CNTNAP2: variants seen among roughly 807,000 people sequenced by gnomAD.
The protein encoded by CNTNAP2 is contactin associated protein 2.
Under a neutral mutation model 155.2 loss-of-function variants are expected in CNTNAP2, and 98 were observed. The ratio of observed to expected loss-of-function variants is 0.63; its 90% CI spans 0.54 to 0.75. The LOEUF (loss-of-function observed/expected upper bound fraction) is 0.75. Ranked by LOEUF, CNTNAP2 falls within the 30% of genes least tolerant of loss-of-function variation. The pLI, the probability that CNTNAP2 is intolerant of heterozygous loss-of-function variation, is 0.00. For synonymous variants in CNTNAP2, 651 were observed against 631.2 expected (o/e 1.03, Z -0.47); for missense variants, 1,727 against 1,688.1 (o/e 1.02, Z -0.40).
chr7:146,630,597 C>T (rs547061383), intron 1 of CNTNAP2, among the ~76,000 whole-genome samples: 2 of 152,088 alleles, frequency 1.3e-5, no homozygotes, highest in Non-Finnish European at 2.9e-5. Context: ...CCCCCACTAA[C>T]ATGGTAAAAG....
In CNTNAP2 at chr7:146,580,057, C is replaced by G. The variant is rs188206385; in HGVS notation, c.98-194214C>G. Reference sequence around the variant, plus strand: ...CACCTAACCAATTATATTTCCTATGCTTAAGGCATGTATTTTCAGTAAGCA... The same window carrying G: ...CACCTAACCAATTATATTTCCTATGGTTAAGGCATGTATTTTCAGTAAGCA... On this transcript the variant is annotated intron_variant, in intron 1 of 23. Coordinates refer to ENST00000361727, the MANE Select transcript of CNTNAP2 (RefSeq NM_014141.6). Among the ~76,000 whole-genome samples the G allele has an allele frequency of 2.5e-3, 373 of 152,176 alleles. 3 individuals carry two copies. The highest frequency in any genetic ancestry group is 9.3e-3 in the Admixed American group (142 of 15,258).
At chr7:148,218,463 C>T (rs899370798) in intron 19 of CNTNAP2, among the ~76,000 whole-genome samples, 1 of 152,164 alleles carries the variant, frequency 6.6e-6, no homozygotes, top group Admixed American at 6.5e-5. Context: ...AGGATCACAG[C>T]TCACTTCAGC....
At chr7:147,250,465 T>G (rs1009999728) in intron 8 of CNTNAP2, among the ~76,000 whole-genome samples, 1 of 152,154 alleles carries the variant, frequency 6.6e-6, no homozygotes, top group Non-Finnish European at 1.5e-5. Flanking sequence ...AAATTCCCTC[T>G]GAAATCCTTC....
chr7:147,185,158 A>T (rs1374773179), intron 8 of CNTNAP2, among the ~76,000 whole-genome samples: 1 of 152,276 alleles, frequency 6.6e-6, no homozygotes, highest in East Asian at 1.9e-4. Context: ...TAAAAAGTAA[A>T]AAAGAGCAAC....
At chr7:147,528,777 T>C (rs1195965747) in intron 11 of CNTNAP2, among the ~76,000 whole-genome samples, 3 of 152,232 alleles carry the variant, frequency 2.0e-5, no homozygotes, top group Non-Finnish European at 4.4e-5. Context: ...GAGTTGATTC[T>C]ATATGTAAAT....
intron 1 of CNTNAP2, among the ~76,000 whole-genome samples, chr7:146,142,741 G>A (rs1185281183): frequency 6.6e-6 from 1 of 152,032 alleles, no homozygotes; most frequent in Non-Finnish European, 1.5e-5. Flanking sequence ...ACATCTTTTG[G>A]TTTATGGTAA....
chr7:147,266,555 T>A (rs1804615844), intron 8 of CNTNAP2, among the ~76,000 whole-genome samples: 1 of 152,180 alleles, frequency 6.6e-6, no homozygotes, highest in Non-Finnish European at 1.5e-5. Flanking sequence ...AAAGTCATGA[T>A]AAGGTATTTC....
chr7:147,025,617 G>C (rs547009107), intron 3 of CNTNAP2, among the ~76,000 whole-genome samples: 14 of 151,900 alleles, frequency 9.2e-5, no homozygotes, highest in African/African-American at 2.7e-4. Context: ...TTCCATATGA[G>C]ATTTGGGCAG....
intron 2 of CNTNAP2, among the ~76,000 whole-genome samples, chr7:146,836,814 C>A (rs1250920219): frequency 6.6e-6 from 1 of 152,040 alleles, no homozygotes; most frequent in Non-Finnish European, 1.5e-5. Flanking sequence ...GTGATGAATT[C>A]TCCCAGCTTT....
intron 13 of CNTNAP2, among the ~76,000 whole-genome samples, chr7:147,794,964 A>T: frequency 6.7e-6 from 1 of 148,966 alleles, no homozygotes; most frequent in Non-Finnish European, 1.5e-5. Context: ...TAGTAGTTTG[A>T]GTCTTTTCCA....
chr7:147,393,194 T>G (rs1796752825), intron 9 of CNTNAP2, among the ~76,000 whole-genome samples: 1 of 152,054 alleles, frequency 6.6e-6, no homozygotes, highest in East Asian at 1.9e-4. Context: ...AGAAAAAAAT[T>G]AATGAATATG....
In CNTNAP2 at chr7:146,191,202, C is replaced by A. The variant is rs115371580; in HGVS notation, c.97+74229C>A. Among the ~76,000 whole-genome samples, 1,514 of 151,986 alleles carry A rather than the reference C, an allele frequency of 1.0e-2. 28 individuals carry two copies. The highest frequency in any genetic ancestry group is 0.035 in the African/African-American group (1,446 of 41,456). ...GTCTGAGTAATAAAGGGAAAGAGTA[C>A]AAAACAGACAAATTTTAAAGCTGGG... is the stretch of plus-strand genomic sequence containing the variant. On this transcript the variant is annotated intron_variant, in intron 1 of 23. Transcript: ENST00000361727.
intron 1 of CNTNAP2, among the ~76,000 whole-genome samples, chr7:146,538,262 C>A (rs1024326383): frequency 2.6e-5 from 4 of 152,040 alleles, no homozygotes; most frequent in Non-Finnish European, 4.4e-5. Context: ...TGACAAACAA[C>A]CTCAAGTCTT....
At chr7:148,360,785 A>G (rs936563875) in intron 21 of CNTNAP2, among the ~76,000 whole-genome samples, 11 of 151,860 alleles carry the variant, frequency 7.2e-5, no homozygotes, top group African/African-American at 2.7e-4. Flanking sequence ...TGAAGGTGTT[A>G]GAGTCGCTTT....
At chr7:146,191,612 C>T (rs750615764) in intron 1 of CNTNAP2, among the ~76,000 whole-genome samples, 13 of 152,046 alleles carry the variant, frequency 8.6e-5, no homozygotes, top group African/African-American at 2.9e-4. Context: ...CCGTATCAAC[C>T]GTATAAGACA....
At chr7:146,488,503 T>C (rs539622961) in intron 1 of CNTNAP2, among the ~76,000 whole-genome samples, 7 of 152,112 alleles carry the variant, frequency 4.6e-5, no homozygotes, top group African/African-American at 1.4e-4. Context: ...TCTATTTTGT[T>C]AGGACTACGC....
intron 3 of CNTNAP2, among the ~76,000 whole-genome samples, chr7:146,978,700 CAT>C (rs934981525): frequency 4.4e-4 from 66 of 150,822 alleles, no homozygotes; most frequent in African/African-American, 1.5e-3. Flanking sequence ...ATAATAAGAT[CAT>C]ATATATATAA....
intron 1 of CNTNAP2, among the ~76,000 whole-genome samples, chr7:146,404,141 A>AAAAAAAAAAAAAAAAAAAAC (rs1367526173): frequency 6.8e-6 from 1 of 147,428 alleles, no homozygotes; most frequent in African/African-American, 2.6e-5. Context: ...AAAAAAAAAA[A>AAAAAAAAAAAAAAAAAAAAC]ACAAAGAACT....
chr7:147,043,281 A>T (rs556548843), intron 3 of CNTNAP2, among the ~76,000 whole-genome samples: 35 of 151,526 alleles, frequency 2.3e-4, no homozygotes, highest in African/African-American at 4.8e-4. Context: ...AAATAAAATT[A>T]AAAAAAAAGA....
Sources: gnomAD v4.1 joint callset for allele counts (sites outside exome capture counted in the v4.1 genomes callset) on GRCh38, gnomAD v4.1.1 for gene constraint, MANE v1.5 for transcripts, NCBI Gene and HGNC (gene_info 2026-07-23, HGNC 2026-07-21) for gene names.